The following GPM6A variants were observed in gnomAD, a reference collection of about 807,000 sequenced individuals.
The protein encoded by GPM6A is neuronal membrane glycoprotein M6-a.
Under a neutral mutation model 32.1 loss-of-function variants are expected in GPM6A, and 7 were observed. The observed-to-expected ratio is 0.22, with a 90% CI of 0.12 to 0.41. The LOEUF (loss-of-function observed/expected upper bound fraction) is 0.41, where lower values mean the gene tolerates loss of function less well. GPM6A is among the 10% of genes least tolerant of loss of function. The pLI, the probability that GPM6A is intolerant of heterozygous loss-of-function variation, is 1.00. For synonymous variants in GPM6A, 130 were observed against 123.4 expected, an observed-to-expected ratio of 1.05 and a Z score of -0.35; for missense variants, 235 against 347.2, an observed-to-expected ratio of 0.68 and a Z score of 2.57.
chr4:175,820,838 T>C (rs1377801844), intron 1 of GPM6A, among the ~76,000 whole-genome samples: 1 of 152,234 alleles, frequency 6.6e-6, no homozygotes, highest in African/African-American at 2.4e-5. Context: ...AATATCTTCT[T>C]ATATGTCTCT....
intron 1 of GPM6A, among the ~76,000 whole-genome samples, chr4:175,788,785 G>C (rs1733899204): frequency 6.6e-6 from 1 of 152,080 alleles, no homozygotes; most frequent in South Asian, 2.1e-4. Flanking sequence ...CCCTTTAATA[G>C]TTCTTAATGA....
chr4:175,658,417 G>T lies in GPM6A; in HGVS notation c.388-6430C>A, dbSNP rs537523349. Among the ~76,000 whole-genome samples, 4 of 152,132 alleles carry T rather than the reference G, an allele frequency of 2.6e-5. No homozygotes were observed. In the East Asian group the frequency reaches 7.7e-4, roughly 29 times the overall value. ...AAAGATCAGTGGTTGCCAAGTGTAG[G>T]GGGGGTGAGAGGGCTGAATAGGTGG... On this transcript the variant is annotated intron_variant, in intron 3 of 6. Coordinates refer to ENST00000393658, the MANE Select transcript of GPM6A (RefSeq NM_201591.3).
intron 6 of GPM6A, among the ~76,000 whole-genome samples, chr4:175,637,215 C>A (rs1489433332): frequency 2.0e-3 from 25 of 12,538 alleles, no homozygotes; most frequent in Non-Finnish European, 3.2e-3. Context: ...CATAATATAT[C>A]ATATATAATA....
chr4:175,908,892 G>A (rs79314754), intron 1 of GPM6A, among the ~76,000 whole-genome samples: 6,661 of 152,000 alleles, frequency 0.044, 389 homozygotes, highest in East Asian at 0.25. Context: ...AAATGAGAGT[G>A]AGCTAGCTTT....
chr4:175,799,765 C>G (rs1012157200), intron 1 of GPM6A, among the ~76,000 whole-genome samples: 2 of 138,726 alleles, frequency 1.4e-5, no homozygotes, highest in African/African-American at 5.1e-5. Context: ...AGCTCCGCCT[C>G]CCGGGTTCAC....
At chr4:175,748,665 G>A (rs906619341) in intron 1 of GPM6A, among the ~76,000 whole-genome samples, 2 of 152,042 alleles carry the variant, frequency 1.3e-5, no homozygotes, top group African/African-American at 4.8e-5. Context: ...GAGATTTTTG[G>A]AGTGATAAAT....
upstream of GPM6A, chr4:175,813,240 G>C (rs1734998662): frequency 5.0e-6 from 1 of 199,384 alleles, no homozygotes; most frequent in African/African-American, 2.4e-5. Context: ...TGTAAGGGAG[G>C]AACAAATTTT....
intron 1 of GPM6A, among the ~76,000 whole-genome samples, chr4:175,794,502 T>C (rs1017604926): frequency 2.6e-5 from 4 of 152,266 alleles, no homozygotes; most frequent in Admixed American, 2.0e-4. Context: ...TCAATCATTA[T>C]ACTATTCTGT....
At chr4:175,933,368 G>A (rs1739114407) in intron 1 of GPM6A, among the ~76,000 whole-genome samples, 1 of 152,182 alleles carries the variant, frequency 6.6e-6, no homozygotes, top group Non-Finnish European at 1.5e-5. Context: ...AGATATTAGA[G>A]TAACACTAAG....
intron 4 of GPM6A, among the ~76,000 whole-genome samples, chr4:175,643,637 A>G (rs1465065606): frequency 5.3e-5 from 8 of 152,076 alleles, no homozygotes; most frequent in African/African-American, 1.7e-4. Context: ...ACCCCAACTC[A>G]CCGCCCACCA....
intron 1 of GPM6A, among the ~76,000 whole-genome samples, chr4:175,751,204 AG>A (rs1245078662): frequency 3.3e-5 from 5 of 152,216 alleles, no homozygotes; most frequent in Non-Finnish European, 5.9e-5. Context: ...AGGATATGAT[AG>A]CATTTAGTAT....
intron 1 of GPM6A, among the ~76,000 whole-genome samples, chr4:175,984,162 AT>A (rs1430068309): frequency 1.3e-5 from 2 of 151,758 alleles, no homozygotes; most frequent in Non-Finnish European, 2.9e-5. Context: ...ATTTTTATTT[AT>A]TTATTTATGT....
chr4:175,987,891 A>C (rs73873541), intron 1 of GPM6A, among the ~76,000 whole-genome samples: 3,774 of 152,100 alleles, frequency 0.025, 136 homozygotes, highest in African/African-American at 0.084. Flanking sequence ...ACCTTTTTTC[A>C]CCCATTAACC....
At chr4:175,960,992 A>C (rs2126401523) in intron 1 of GPM6A, among the ~76,000 whole-genome samples, 1 of 152,382 alleles carries the variant, frequency 6.6e-6, no homozygotes, top group East Asian at 1.9e-4. Flanking sequence ...CATACTGTTT[A>C]ATGCACAAGA....
chr4:175,651,732 T>A, intron 4 of GPM6A, 102 bp downstream of exon 4: 1 of 820,370 alleles, frequency 1.2e-6, no homozygotes, highest in South Asian at 1.7e-5. Context: ...GTAGAAAAGG[T>A]ACTGATAATT....
intron 1 of GPM6A, among the ~76,000 whole-genome samples, chr4:175,913,440 T>C (rs1040945776): frequency 3.3e-5 from 5 of 152,204 alleles, no homozygotes; most frequent in African/African-American, 4.8e-5. Flanking sequence ...GGTAATCCTT[T>C]AAGATGTAAA....
intron 1 of GPM6A, among the ~76,000 whole-genome samples, chr4:175,751,085 A>G (rs193301412): frequency 1.3e-5 from 2 of 152,204 alleles, no homozygotes; most frequent in Non-Finnish European, 2.9e-5. Flanking sequence ...GGGGGAAAAA[A>G]GATGTGCATA....
At chr4:175,738,438 T>C (rs905927051) in intron 1 of GPM6A, among the ~76,000 whole-genome samples, 2 of 152,070 alleles carry the variant, frequency 1.3e-5, no homozygotes, top group Non-Finnish European at 2.9e-5. Flanking sequence ...TGGCACTAAT[T>C]TGAGAAAATA....
At chr4:175,915,340 G>A (rs376388439) in intron 1 of GPM6A, among the ~76,000 whole-genome samples, 8 of 150,222 alleles carry the variant, frequency 5.3e-5, no homozygotes, top group Non-Finnish European at 1.2e-4. Flanking sequence ...AGGCTGGAGT[G>A]CAGTGGTGTG....
Sources: gnomAD v4.1 joint callset for allele counts (sites outside exome capture counted in the v4.1 genomes callset) on GRCh38, gnomAD v4.1.1 for gene constraint, MANE v1.5 for transcripts, NCBI Gene and HGNC (gene_info 2026-07-23, HGNC 2026-07-21) for gene names.